Variants in SET observed in about 807,000 individuals in gnomAD.
SET encodes protein SET.
A neutral mutation model predicts 39.0 loss-of-function variants in SET; 4 were observed. The observed-to-expected ratio is 0.10, with a 90% CI of 0.05 to 0.23. The LOEUF (loss-of-function observed/expected upper bound fraction) is 0.23, where lower values mean the gene tolerates loss of function less well. SET is among the 10% of genes least tolerant of loss of function. SET has a pLI of 1.00. For synonymous variants in SET, 114 were observed against 115.9 expected (o/e 0.98, Z 0.11); for missense variants, 137 against 329.7 (o/e 0.42, Z 4.53).
In SET at chr9:128,689,279, G is replaced by A. The variant is rs1861404893; in HGVS notation, c.-304G>A. On this transcript the variant is annotated 5_prime_UTR_variant, in exon 1 of 8. Transcript: ENST00000322030. ...GGCTCGGGAGAGCGAGCAGCGAGCTGGCTGGATCGCCGAGCGCGAGTGAGG... is the reference window on the plus strand; with the variant it reads ...GGCTCGGGAGAGCGAGCAGCGAGCTAGCTGGATCGCCGAGCGCGAGTGAGG... The A allele has an allele frequency of 9.9e-7, 1 of 1,013,274 alleles. No homozygotes were observed. The highest frequency in any genetic ancestry group is 1.7e-5 in the African/African-American group (1 of 57,970). The allele number at this position is 1,013,274 out of a possible 1,614,324, so 62.8% of individuals were successfully genotyped here. A position where few individuals can be genotyped will look rare whatever the true frequency, so the allele number is the denominator to read the frequency against.
Position 128,694,024 on chromosome 9 carries a change from T to C in SET, c.792T>C (p.Asp264=), listed in dbSNP as rs1478940204. 6.5e-7 allele frequency: 1 copy of C among 1,528,522 alleles called. No individual in the cohort carries two copies. The highest frequency in any genetic ancestry group is 8.9e-7 in the Non-Finnish European group (1 of 1,123,434). The allele number at this position is 1,528,522 out of a possible 1,614,324, so 94.7% of individuals were successfully genotyped here. A position where few individuals can be genotyped will look rare whatever the true frequency, so the allele number is the denominator to read the frequency against. The change falls in exon 7 of 8, where the codon GAT becomes GAC. Residue 264 remains aspartate, a synonymous_variant. Transcript: ENST00000322030. ...AAGGTGAAGAAGATGAAGATGATGA[T>C]GAAGGGGAGGAAGGAGAGGTAAAAG... ...EDEGEEDEDD[D]EGEEGEEDEG...
At chr9:128,685,059 G>C, upstream of SET, 2 of 1,514,754 alleles carry the variant, frequency 1.3e-6, no homozygotes, top group South Asian at 2.5e-5. Context: ...GCTTTGATTG[G>C]CTGAGGGCAG....
At chr9:128,691,502 C>G (rs991773550) in intron 2 of SET, among the ~76,000 whole-genome samples, 1 of 151,864 alleles carries the variant, frequency 6.6e-6, no homozygotes, top group African/African-American at 2.4e-5. Flanking sequence ...AGTGTGGCAT[C>G]AGTGGTTGCT....
chr9:128,694,123 G>T (rs1861643905), intron 7 of SET, 81 bp downstream of exon 7: 9 of 730,486 alleles, frequency 1.2e-5, no homozygotes, highest in Admixed American at 4.5e-5. Flanking sequence ...TATATATATA[G>T]TGTGGTAGAA....
At chr9:128,683,744 G>A (rs1861192608) in exon 1 of SET, 2 of 593,094 alleles carry the variant, frequency 3.4e-6, no homozygotes, top group Non-Finnish European at 5.8e-6. Context: ...GGGGGCCGGG[G>A]TGTGTGTCCC....
chr9:128,692,397 CAAAAAAAA>C lies in SET; in HGVS notation c.275-247_275-240del, dbSNP rs58637669. The C allele has an allele frequency of 2.9e-4, 22 of 76,256 alleles. 2 individuals are homozygous for C. The East Asian group carries it at 6.5e-3, about 22-fold the overall frequency. The allele number at this position is 76,256 out of a possible 1,614,324, so 4.7% of individuals were successfully genotyped here. ...CTGGGCGACAAGAGTGAGACTGTTT[CAAAAAAAA>C]AAAAAAAAAAAAAAAAACCTCAAAG... On this transcript the variant is annotated intron_variant, in intron 3 of 7. Transcript: ENST00000322030.
chr9:128,688,683 G>A (rs1861372571), upstream of SET, among the ~76,000 whole-genome samples: 2 of 152,320 alleles, frequency 1.3e-5, no homozygotes, highest in South Asian at 4.1e-4. Flanking sequence ...TAAAACCCAG[G>A]AATGGCCCTG....
rs1317525599 is a variant in SET at position 128,694,060 on chromosome 9, T to C, written c.810+18T>C. 7 of 1,498,506 alleles carry C rather than the reference T, an allele frequency of 4.7e-6. No individual in the cohort carries two copies. Among genetic ancestry groups the C allele is most frequent in the Non-Finnish European group, 6.3e-6 (7 of 1,110,400 alleles). 92.8% of individuals were successfully genotyped at this position (1,498,506 alleles called of 1,614,324 possible). On this transcript the variant is annotated intron_variant, in intron 7 of 7. Coordinates refer to ENST00000322030, the MANE Select transcript of SET (RefSeq NM_003011.4). ...AAGGAGAGGTAAAAGAAAATTTGGC[T>C]AAACCCACAAAGATAACTTTTAAAG...
At chr9:128,687,345 G>A (rs1861320230), upstream of SET, among the ~76,000 whole-genome samples, 1 of 152,138 alleles carries the variant, frequency 6.6e-6, no homozygotes, top group Non-Finnish European at 1.5e-5. Flanking sequence ...AGTGGCTCAT[G>A]CCTGTAATCT....
Position 128,689,231 on chromosome 9 carries a change from T to TAGGAGG in SET, c.-348_-343dup. ...TGCGCCCTGCGCCCGCCCCTCGCCG[T>TAGGAGG]AGGAGGAGGTGGAGGAGGAGGCGGC... On this transcript the variant is annotated 5_prime_UTR_variant, in exon 1 of 8. Coordinates refer to ENST00000322030, the MANE Select transcript of SET (RefSeq NM_003011.4). 1 of 994,536 alleles carries TAGGAGG rather than the reference T, an allele frequency of 1.0e-6. No homozygotes were observed. The highest frequency in any genetic ancestry group is 1.2e-6 in the Non-Finnish European group (1 of 835,428). The allele number at this position is 994,536 out of a possible 1,614,324, so 61.6% of individuals were successfully genotyped here.
At chr9:128,693,065 T>A in intron 5 of SET, 84 bp downstream of exon 5, 1 of 865,722 alleles carries the variant, frequency 1.2e-6, no homozygotes, top group Non-Finnish European at 1.8e-6. Flanking sequence ...CTTGATACTT[T>A]GGTCATGTGG....
upstream of SET, chr9:128,685,056 T>C: frequency 8.0e-6 from 12 of 1,505,648 alleles, no homozygotes; most frequent in South Asian, 1.3e-4. Flanking sequence ...GAAGCTTTGA[T>C]TGGCTGAGGG....
At chr9:128,692,812 T>A in intron 4 of SET, 47 bp downstream of exon 4, 1 of 1,518,016 alleles carries the variant, frequency 6.6e-7, no homozygotes, top group Non-Finnish European at 9.1e-7. Context: ...GAAATTAATG[T>A]GAGCTTTGGT....
At chr9:128,692,396 T>TAA (rs1262961451) in intron 3 of SET, 4 of 34,220 alleles carry the variant, frequency 1.2e-4, no homozygotes, top group African/African-American at 4.6e-4. Context: ...TGAGACTGTT[T>TAA]CAAAAAAAAA....
At chr9:128,691,426 G>A (rs1861532150) in intron 2 of SET, among the ~76,000 whole-genome samples, 199 bp downstream of exon 2, 1 of 152,192 alleles carries the variant, frequency 6.6e-6, no homozygotes, top group African/African-American at 2.4e-5. Flanking sequence ...ACCTTACAAG[G>A]TTTGGGTTTG....
chr9:128,686,138 G>T (rs531627570), upstream of SET, among the ~76,000 whole-genome samples: 3 of 152,328 alleles, frequency 2.0e-5, no homozygotes, highest in Admixed American at 2.0e-4. Context: ...TGGTGTTGGA[G>T]ACGGGGAGAG....
Position 128,695,952 on chromosome 9 carries a change from C to A in SET, c.*1288C>A, listed in dbSNP as rs1332271152. The A allele has an allele frequency of 5.3e-5, 12 of 226,438 alleles. No individual in the cohort carries two copies. In the East Asian group the frequency reaches 7.4e-4, roughly 14 times the overall value. The allele number at this position is 226,438 out of a possible 1,614,324, so 14.0% of individuals were successfully genotyped here. Reference sequence around the variant, plus strand: ...CACGGGACAGTTGCTGGCATGTCTTCATTGGCTATATAAAATGTGGCCAAG... The same window carrying A: ...CACGGGACAGTTGCTGGCATGTCTTAATTGGCTATATAAAATGTGGCCAAG... On this transcript the variant is annotated 3_prime_UTR_variant, in exon 8 of 8. Coordinates refer to ENST00000322030, the MANE Select transcript of SET (RefSeq NM_003011.4).
At chr9:128,683,991 C>A in exon 1 of SET, 1 of 1,554,030 alleles carries the variant, frequency 6.4e-7, no homozygotes, top group East Asian at 2.4e-5. Context: ...CCTCTGCAGG[C>A]TTGCCGAAGA....
Position 128,689,735 on chromosome 9 carries a change from CGGGGCGCGCGCGG to C in SET, c.73+88_73+100del, listed in dbSNP as rs1554775844. 3 of 223,558 alleles carry C rather than the reference CGGGGCGCGCGCGG, an allele frequency of 1.3e-5. No individual in the cohort carries two copies. The South Asian group carries it at 4.7e-4, about 35-fold the overall frequency. 13.8% of individuals were successfully genotyped at this position (223,558 alleles called of 1,614,324 possible). A position where few individuals can be genotyped will look rare whatever the true frequency, so the allele number is the denominator to read the frequency against. On this transcript the variant is annotated intron_variant, in intron 1 of 7. Coordinates refer to ENST00000322030, the MANE Select transcript of SET (RefSeq NM_003011.4). ...CGGCCCGCAGGCCGCCGGCGGGGCC[CGGGGCGCGCGCGG>C]GGGGCGCCGGGCGGGGGGGCGCGGC...
Sources: gnomAD v4.1 joint callset for allele counts (sites outside exome capture counted in the v4.1 genomes callset) on GRCh38, gnomAD v4.1.1 for gene constraint, MANE v1.5 for transcripts, NCBI Gene and HGNC (gene_info 2026-07-23, HGNC 2026-07-21) for gene names.